GPC6: variants seen among roughly 807,000 people sequenced by gnomAD.
The protein encoded by GPC6 is glypican 6.
GPC6 carries 14 observed loss-of-function variants against 55.2 expected under a neutral mutation model. The ratio of observed to expected loss-of-function variants is 0.25; its 90% confidence interval spans 0.17 to 0.40. The LOEUF (loss-of-function observed/expected upper bound fraction) is 0.40. Ranked by LOEUF, GPC6 falls within the 10% of genes least tolerant of loss-of-function variation. The probability of loss-of-function intolerance (pLI) is 1.00; values close to 1 mark genes in which losing one functional copy is unlikely to be tolerated. For synonymous variants in GPC6, 278 were observed against 259.6 expected, an observed-to-expected ratio of 1.07 and a Z score of -0.68; for missense variants, 641 against 708.5, an observed-to-expected ratio of 0.90 and a Z score of 1.08.
At chr13:94,222,506 G>A (rs191269500) in intron 4 of GPC6, among the ~76,000 whole-genome samples, 5 of 152,094 alleles carry the variant, frequency 3.3e-5, no homozygotes, top group South Asian at 2.1e-4. Context: ...GCTCTAGTGG[G>A]GTATTCTAAT....
intron 1 of GPC6, among the ~76,000 whole-genome samples, chr13:93,403,024 C>G (rs1312714665): frequency 6.6e-6 from 1 of 151,980 alleles, no homozygotes; most frequent in Non-Finnish European, 1.5e-5. Flanking sequence ...TCTCTAACCA[C>G]TTAAGAGTTG....
At chr13:93,979,329 T>G (rs28415728) in intron 3 of GPC6, among the ~76,000 whole-genome samples, 38 of 131,016 alleles carry the variant, frequency 2.9e-4, no homozygotes, top group African/African-American at 6.2e-4. Context: ...TTGTGTGTGT[T>G]TTTTTGTGTG....
At chr13:93,975,308 T>C (rs1312533251) in intron 3 of GPC6, among the ~76,000 whole-genome samples, 1 of 152,198 alleles carries the variant, frequency 6.6e-6, no homozygotes, top group African/African-American at 2.4e-5. Context: ...TATTGCTTAA[T>C]CTTTCAGAAT....
chr13:94,175,955 TAGAGAGAGAG>T (rs1555304120), intron 4 of GPC6, among the ~76,000 whole-genome samples: 14 of 78,526 alleles, frequency 1.8e-4, no homozygotes, highest in East Asian at 4.4e-4. Flanking sequence ...TATATATATA[TAGAGAGAGAG>T]AGAGAGAGAG....
At chr13:93,993,873 A>G (rs1881421823) in intron 3 of GPC6, among the ~76,000 whole-genome samples, 1 of 152,214 alleles carries the variant, frequency 6.6e-6, no homozygotes, top group Admixed American at 6.5e-5. Flanking sequence ...AACACATTGT[A>G]CAAAAAAGTA....
At chr13:93,577,999 G>A (rs547756389) in intron 2 of GPC6, among the ~76,000 whole-genome samples, 14 of 151,962 alleles carry the variant, frequency 9.2e-5, no homozygotes, top group Non-Finnish European at 2.1e-4. Context: ...TGTTTATGTG[G>A]TGTGTCATAT....
intron 3 of GPC6, among the ~76,000 whole-genome samples, chr13:93,965,748 C>G (rs764258833): frequency 6.6e-6 from 1 of 152,092 alleles, no homozygotes; most frequent in East Asian, 1.9e-4. Flanking sequence ...TGTCAAGCCA[C>G]CAGATGACAG....
At chr13:94,167,349 T>G (rs567113264) in intron 4 of GPC6, among the ~76,000 whole-genome samples, 2 of 152,204 alleles carry the variant, frequency 1.3e-5, no homozygotes, top group Non-Finnish European at 2.9e-5. Context: ...TCCCTCTGAA[T>G]GAAATTTCTG....
intron 1 of GPC6, among the ~76,000 whole-genome samples, chr13:93,319,396 T>C (rs1390270475): frequency 6.6e-6 from 1 of 152,050 alleles, no homozygotes; most frequent in Non-Finnish European, 1.5e-5. Flanking sequence ...TTAATAGGTA[T>C]GGATCAGAAA....
At chr13:94,133,950 C>A (rs1413669300) in intron 4 of GPC6, among the ~76,000 whole-genome samples, 1 of 151,830 alleles carries the variant, frequency 6.6e-6, no homozygotes, top group African/African-American at 2.4e-5. Flanking sequence ...TTTCAGAGAG[C>A]CACACTAAAA....
intron 2 of GPC6, among the ~76,000 whole-genome samples, chr13:93,730,338 G>C (rs1332669127): frequency 6.6e-6 from 1 of 152,112 alleles, no homozygotes; most frequent in African/African-American, 2.4e-5. Context: ...AATAGCACTG[G>C]ATGGAAAAAA....
intron 2 of GPC6, among the ~76,000 whole-genome samples, chr13:93,759,287 C>T (rs369335459): frequency 6.6e-6 from 1 of 152,158 alleles, no homozygotes; most frequent in Non-Finnish European, 1.5e-5. Flanking sequence ...CCATATGTAT[C>T]CCCCACTTGG....
intron 2 of GPC6, among the ~76,000 whole-genome samples, chr13:93,752,429 A>G (rs1594426804): frequency 6.6e-6 from 1 of 150,884 alleles, no homozygotes; most frequent in Non-Finnish European, 1.5e-5. Context: ...TTGCTTCTCT[A>G]TGTGTTTTAC....
At chr13:94,230,993 C>A (rs1263021698) in intron 4 of GPC6, among the ~76,000 whole-genome samples, 1 of 152,072 alleles carries the variant, frequency 6.6e-6, no homozygotes, top group Non-Finnish European at 1.5e-5. Flanking sequence ...TGGACATTGC[C>A]TGGCACATAA....
intron 2 of GPC6, among the ~76,000 whole-genome samples, chr13:93,718,867 C>G (rs58189342): frequency 0.026 from 3,899 of 152,070 alleles, 186 homozygotes; most frequent in African/African-American, 0.088. Flanking sequence ...TTGTTTTTGT[C>G]AGGTTTGTCA....
chr13:94,275,099 A>T (rs1035783635), intron 4 of GPC6, among the ~76,000 whole-genome samples: 2 of 152,234 alleles, frequency 1.3e-5, no homozygotes, highest in African/African-American at 2.4e-5. Flanking sequence ...AATTATTCCA[A>T]TGATTCTTTT....
intron 1 of GPC6, among the ~76,000 whole-genome samples, chr13:93,415,571 TGA>T (rs1876667346): frequency 6.6e-6 from 1 of 152,172 alleles, no homozygotes; most frequent in Non-Finnish European, 1.5e-5. Flanking sequence ...TTAAATAGTA[TGA>T]ATATTTTTCA....
chr13:93,948,211 A>C (rs1390703852), intron 3 of GPC6, among the ~76,000 whole-genome samples: 1 of 152,210 alleles, frequency 6.6e-6, no homozygotes, highest in Non-Finnish European at 1.5e-5. Context: ...CTGTGTATTA[A>C]AAGAGCCCCC....
intron 1 of GPC6, among the ~76,000 whole-genome samples, chr13:93,233,260 T>C (rs549516296): frequency 1.6e-4 from 25 of 152,132 alleles, no homozygotes; most frequent in African/African-American, 5.8e-4. Context: ...TTTAAAATTC[T>C]AATAATCCTG....
Sources: gnomAD v4.1 joint callset for allele counts (sites outside exome capture counted in the v4.1 genomes callset) on GRCh38, gnomAD v4.1.1 for gene constraint, MANE v1.5 for transcripts, NCBI Gene and HGNC (gene_info 2026-07-23, HGNC 2026-07-21) for gene names.